Variants in LIG3 observed in about 807,000 individuals in gnomAD.
The protein encoded by LIG3 is ligase II, DNA, ATP-dependent.
LIG3 carries 58 observed loss-of-function variants against 110.9 expected under a neutral mutation model. The ratio of observed to expected loss-of-function variants is 0.52; its 90% CI spans 0.42 to 0.65. The LOEUF (loss-of-function observed/expected upper bound fraction) is 0.65, where lower values mean the gene tolerates loss of function less well. LIG3 is among the 30% of genes least tolerant of loss of function. The probability of loss-of-function intolerance (pLI) is 0.00; values close to 1 mark genes in which losing one functional copy is unlikely to be tolerated. For missense variants in LIG3, 1,094 were observed against 1,273.8 expected (o/e 0.86, Z 2.15); for synonymous variants, 422 against 472.8 (o/e 0.89, Z 1.39).
Position 34,996,117 on chromosome 17 carries a change from G to T in LIG3, c.1665G>T (p.Met555Ile), listed in dbSNP as rs778002243. The change falls in exon 10 of 20, where the codon ATG becomes ATT. Residue 555 changes from methionine to isoleucine, a missense_variant. Transcript: ENST00000378526. The part of the protein sequence containing the change: ...IPQAFPGGHS[M>I]ILDSEVLLID... Reference sequence around the variant, plus strand: ...AGGCTTTTCCTGGGGGCCACAGCATGATCTTGGATTCTGAAGTGCTTCTGA... The same window carrying T: ...AGGCTTTTCCTGGGGGCCACAGCATTATCTTGGATTCTGAAGTGCTTCTGA... 6.2e-7 allele frequency: 1 copy of T among 1,614,158 alleles called. No homozygotes were observed. Among genetic ancestry groups the T allele is most frequent in the East Asian group, 2.2e-5 (1 of 44,878 alleles).
At chr17:34,996,238 G>A (rs1296394426) in intron 10 of LIG3, 43 bp downstream of exon 10, 7 of 1,604,290 alleles carry the variant, frequency 4.4e-6, no homozygotes, top group South Asian at 1.1e-5. Context: ...ATGAGTGTGA[G>A]TGAGTATGTA....
At position 35,002,902 on chromosome 17, in the gene LIG3, G is replaced by A. The variant is rs927070731; in HGVS notation, c.2796+113G>A. 33 of 1,598,378 alleles carry A rather than the reference G, an allele frequency of 2.1e-5. 1 individual carries two copies. Among genetic ancestry groups the A allele is most frequent in the African/African-American group, 1.1e-4 (8 of 74,634 alleles). ...TGAGCAAAGGTGTTTGGGGAACATC[G>A]GCTAAACCTCTTCCCTGCCTGCAGC... is the stretch of plus-strand genomic sequence containing the variant. On this transcript the variant is annotated intron_variant, in intron 19 of 19. Transcript: ENST00000378526.
intron 14 of LIG3, 58 bp downstream of exon 14, chr17:34,998,785 A>C: frequency 6.4e-7 from 1 of 1,570,408 alleles, no homozygotes; most frequent in Non-Finnish European, 8.7e-7. Flanking sequence ...CGCTTGAGGT[A>C]CAGGCTGGCC....
intron 4 of LIG3, 32 bp downstream of exon 4, chr17:34,989,695 C>T (rs780921977): frequency 1.2e-6 from 2 of 1,602,972 alleles, no homozygotes; most frequent in East Asian, 4.5e-5. Context: ...TAGGCCTTTC[C>T]TCCGGAGAGC....
chr17:34,984,409 G>A (rs1277510994), intron 2 of LIG3, among the ~76,000 whole-genome samples: 1 of 151,858 alleles, frequency 6.6e-6, no homozygotes. Flanking sequence ...CCCATATTTG[G>A]CCAATTAGGA....
chr17:35,002,870 A>G, intron 19 of LIG3, 81 bp downstream of exon 19: 2 of 1,577,716 alleles, frequency 1.3e-6, no homozygotes, highest in Non-Finnish European at 1.7e-6. Context: ...AGAAGTTTGA[A>G]AGAGGATGAG....
intron 3 of LIG3, among the ~76,000 whole-genome samples, chr17:34,987,526 C>T (rs2090669054): frequency 6.6e-6 from 1 of 152,160 alleles, no homozygotes; most frequent in Non-Finnish European, 1.5e-5. Flanking sequence ...TAAAGCCAAA[C>T]CACTTGGCCT....
intron 8 of LIG3, 68 bp from the exon 9 acceptor site, chr17:34,994,208 G>C: frequency 6.6e-7 from 1 of 1,512,356 alleles, no homozygotes; most frequent in Non-Finnish European, 9.0e-7. Flanking sequence ...CAGTTGCAAG[G>C]TCTCTGGCTG....
Position 34,992,013 on chromosome 17 carries a change from A to G in LIG3, c.1264A>G (p.Met422Val), listed in dbSNP as rs1424313198. Residue 422 changes from methionine (M) to valine (V), a missense_variant, in exon 7 of 20, where the codon ATG (methionine) becomes GTG (valine). By Grantham distance (21) the Met-to-Val change is conservative. Transcript: ENST00000378526. ...IIRLIKHDLK[M>V]NSGAKHVLDA... is the part of the protein sequence containing the mutation. ...CAGGTTGATCAAACATGATCTGAAG[A>G]TGAACTCAGGTGCAAAACATGTGTA... The G allele has an allele frequency of 1.2e-6, 2 of 1,613,852 alleles. No homozygotes were observed. The highest frequency in any genetic ancestry group is 1.7e-5 in the Admixed American group (1 of 60,034).
intron 19 of LIG3, 84 bp from the exon 20 acceptor site, chr17:35,004,189 C>T: frequency 1.0e-6 from 1 of 973,780 alleles, no homozygotes; most frequent in East Asian, 2.5e-5. Context: ...TAGGCTCCCT[C>T]ATTCTGTCCC....
intron 11 of LIG3, 109 bp downstream of exon 11, chr17:34,996,762 C>A: frequency 3.3e-6 from 3 of 906,700 alleles, no homozygotes; most frequent in Non-Finnish European, 5.4e-6. Flanking sequence ...AGGGAACCAG[C>A]TGGCACATAC....
intron 3 of LIG3, among the ~76,000 whole-genome samples, chr17:34,988,288 A>G (rs2142244876): frequency 6.6e-6 from 1 of 151,998 alleles, no homozygotes; most frequent in East Asian, 1.9e-4. Context: ...TGATAAGGAC[A>G]GCATGTTTCT....
chr17:34,995,915 G>A lies in LIG3; in HGVS notation c.1612-149G>A, dbSNP rs369490159. The A allele has an allele frequency of 5.2e-4, 484 of 936,792 alleles. 9 individuals are homozygous for A. The South Asian group carries it at 8.2e-3, about 16-fold the overall frequency. 58.0% of individuals were successfully genotyped at this position (936,792 alleles called of 1,614,324 possible). On this transcript the variant is annotated intron_variant, in intron 9 of 19. Transcript: ENST00000378526. ...CCTCTCCCTCTTGTCCAGGTGGCTC[G>A]CAAGGCCTAGCTATATGTTTTGCAC... is the stretch of plus-strand genomic sequence containing the variant.
At position 34,989,783 on chromosome 17, in the gene LIG3, G is replaced by A. The variant is rs2090698893; in HGVS notation, c.889+120G>A. The A allele has an allele frequency of 2.3e-5, 20 of 870,558 alleles. 1 individual carries two copies. Among genetic ancestry groups the A allele is most frequent in the South Asian group, 2.1e-4 (14 of 68,190 alleles). 53.9% of individuals were successfully genotyped at this position (870,558 alleles called of 1,614,324 possible). ...CCCATGCTTGGTTTAATGCTGTACT[G>A]TAGTGCTATCTGGAAATTCTTAATA... On this transcript the variant is annotated intron_variant, in intron 4 of 19. Transcript: ENST00000378526.
chr17:34,980,660 C>T (rs950474976), intron 1 of LIG3, 38 bp downstream of exon 1: 1 of 1,145,854 alleles, frequency 8.7e-7, no homozygotes, highest in Non-Finnish European at 1.1e-6. Flanking sequence ...GCGGCGGGGC[C>T]CGGCGTGGGG....
At chr17:34,999,493 C>T in intron 15 of LIG3, 44 bp downstream of exon 15, 1 of 1,595,302 alleles carries the variant, frequency 6.3e-7, no homozygotes, top group East Asian at 2.2e-5. Context: ...GACTGGCCGC[C>T]ATCACTGAGA....
Position 34,989,681 on chromosome 17 carries a change from T to C in LIG3, c.889+18T>C, listed in dbSNP as rs1355926931. The stretch of plus-strand genomic sequence containing the variant: ...AGCAGGAGGTGTGGCATGAGCATCC[T>C]GAATAGGCCTTTCCTCCGGAGAGCT... On this transcript the variant is annotated intron_variant, in intron 4 of 19. Transcript: ENST00000378526. 3.7e-6 allele frequency: 6 copies of C among 1,612,474 alleles called. No homozygotes were observed. In the African/African-American group the frequency reaches 6.7e-5, roughly 18 times the overall value.
chr17:34,999,146 C>A, intron 14 of LIG3, 161 bp from the exon 15 acceptor site: 1 of 765,662 alleles, frequency 1.3e-6, no homozygotes, highest in Non-Finnish European at 2.0e-6. Context: ...GAAATTGGGG[C>A]TTATAAAGGT....
chr17:34,983,693 A>G (rs2090628615), intron 2 of LIG3, 141 bp downstream of exon 2: 1 of 851,456 alleles, frequency 1.2e-6, no homozygotes, highest in Non-Finnish European at 1.8e-6. Context: ...CCAGTGTTTA[A>G]TGTTGCATTC....
Sources: allele counts gnomAD v4.1 joint callset (sites outside exome capture counted in the v4.1 genomes callset), GRCh38; gene constraint gnomAD v4.1.1; transcripts MANE v1.5; gene names NCBI Gene and HGNC (gene_info 2026-07-23, HGNC 2026-07-21).